Variants in SGK1 observed in about 807,000 individuals in gnomAD.
The protein encoded by SGK1 is serine/threonine-protein kinase Sgk1.
In SGK1, 26 loss-of-function variants were observed where a neutral mutation model predicts 64.2. The ratio of observed to expected loss-of-function variants is 0.40; its 90% CI spans 0.30 to 0.56. The LOEUF is 0.56. Among genes scored for constraint, SGK1 ranks in the 20% least tolerant of loss-of-function variants. The pLI, the probability that SGK1 is intolerant of heterozygous loss-of-function variation, is 0.38. For synonymous variants in SGK1, 265 were observed against 239.7 expected, an observed-to-expected ratio of 1.11 and a Z score of -0.98; for missense variants, 519 against 645.6, an observed-to-expected ratio of 0.80 and a Z score of 2.12.
At chr6:134,230,509 G>A (rs960359012) in intron 2 of SGK1, 6 of 152,144 alleles carry the variant, frequency 3.9e-5, no homozygotes, top group African/African-American at 1.4e-4. Context: ...CGAGAAAGGG[G>A]AAAGAGCCTC....
rs566737258 is a variant in SGK1, at chr6:134,238,371, C to T, written c.285+23562G>A. 3.1e-3 allele frequency among the ~76,000 whole-genome samples: 478 copies of T among 152,276 alleles called. 3 individuals are homozygous for T. Among genetic ancestry groups the T allele is most frequent in the African/African-American group, 0.011 (448 of 41,550 alleles). On this transcript the variant is annotated intron_variant, in intron 2 of 13. Transcript: ENST00000367858. ...AAAGTGCTTTTAAGAGGCCTATTAG[C>T]ATCAGGAATGAGGTAAGTCCCTTTT...
At chr6:134,285,020 T>G (rs868494058) in intron 1 of SGK1, among the ~76,000 whole-genome samples, 10 of 152,334 alleles carry the variant, frequency 6.6e-5, no homozygotes, top group Middle Eastern at 3.4e-3. Context: ...GTCTTTTTCG[T>G]GTAATGACTT....
chr6:134,283,806 T>G (rs1777132647), intron 1 of SGK1, among the ~76,000 whole-genome samples: 1 of 128,552 alleles, frequency 7.8e-6, no homozygotes, highest in East Asian at 2.3e-4. Context: ...GAGGCTGCAA[T>G]GAGCCATGAT....
chr6:134,215,129 TC>T (rs1257020349), intron 2 of SGK1: 14 of 319,610 alleles, frequency 4.4e-5, no homozygotes, highest in African/African-American at 1.1e-4. Context: ...TTTCTTTCTT[TC>T]TTTCTTTTTT....
intron 1 of SGK1, among the ~76,000 whole-genome samples, chr6:134,303,272 A>G (rs561858383): frequency 9.9e-4 from 151 of 151,958 alleles, no homozygotes; most frequent in African/African-American, 2.9e-3. Flanking sequence ...GGCGCCTGTA[A>G]TCCCAGCTAC....
chr6:134,190,829 C>T (rs1390455369), intron 3 of SGK1, among the ~76,000 whole-genome samples: 2 of 152,220 alleles, frequency 1.3e-5, no homozygotes, highest in East Asian at 3.9e-4. Context: ...AAGAGGCATA[C>T]GATGGTAACA....
At chr6:134,259,204 A>C (rs1236952869) in intron 2 of SGK1, among the ~76,000 whole-genome samples, 1 of 152,038 alleles carries the variant, frequency 6.6e-6, no homozygotes, top group East Asian at 1.9e-4. Flanking sequence ...TGTTGCATTG[A>C]TTTAAACCCA....
chr6:134,179,700 A>G (rs567747911), intron 3 of SGK1, among the ~76,000 whole-genome samples: 163 of 152,292 alleles, frequency 1.1e-3, no homozygotes, highest in African/African-American at 3.5e-3. Context: ...AGAGAACACT[A>G]TCTCTAATCA....
Position 134,209,808 on chromosome 6 carries a change from C to T in SGK1, c.286-2377G>A, listed in dbSNP as rs2114688664. The stretch of plus-strand genomic sequence containing the variant: ...TCTCCTGCTTCAGCCTCAATAGTAG[C>T]TGGGATTACAGACGTGCTCCACCAC... On this transcript the variant is annotated intron_variant, in intron 2 of 13. Coordinates refer to ENST00000367858, the MANE Select transcript of SGK1 (RefSeq NM_001143676.3). 2.6e-5 allele frequency among the ~76,000 whole-genome samples: 4 copies of T among 152,268 alleles called. 1 individual carries two copies. Among genetic ancestry groups the T allele is most frequent in the Admixed American group, 2.6e-4 (4 of 15,288 alleles).
chr6:134,195,128 G>T (rs186424232), intron 3 of SGK1, among the ~76,000 whole-genome samples: 1 of 152,162 alleles, frequency 6.6e-6, no homozygotes, highest in East Asian at 1.9e-4. Flanking sequence ...TTAGGACTAT[G>T]GAAATGAAAG....
At chr6:134,293,936 T>C (rs1221274804) in intron 1 of SGK1, among the ~76,000 whole-genome samples, 5 of 152,196 alleles carry the variant, frequency 3.3e-5, no homozygotes, top group Admixed American at 3.3e-4. Flanking sequence ...CAGAAGGTGC[T>C]AGGTGAATGA....
chr6:134,239,055 C>T (rs903184166), intron 2 of SGK1, among the ~76,000 whole-genome samples: 3 of 152,218 alleles, frequency 2.0e-5, no homozygotes, highest in African/African-American at 7.2e-5. Flanking sequence ...TCAGAACAGT[C>T]TAACAGCTGA....
At position 134,171,253 on chromosome 6, in the gene SGK1, T is replaced by G. The variant is rs1008714863; in HGVS notation, c.1168-75A>C. The G allele has an allele frequency of 3.7e-6, 5 of 1,337,946 alleles. No homozygotes were observed. In the Admixed American group the frequency reaches 9.2e-5, roughly 25 times the overall value. The allele number at this position is 1,337,946 out of a possible 1,614,324, so 82.9% of individuals were successfully genotyped here. A position where few individuals can be genotyped will look rare whatever the true frequency, so the allele number is the denominator to read the frequency against. On this transcript the variant is annotated intron_variant, in intron 11 of 13. Coordinates refer to ENST00000367858, the MANE Select transcript of SGK1 (RefSeq NM_001143676.3). ...CACACATTACCAGTAGAGAAAAAGA[T>G]ATAAACGGCAATAAATATTAGGCTC...
chr6:134,171,800 T>C (rs1775035819), intron 10 of SGK1, 68 bp from the exon 11 acceptor site: 3 of 1,047,100 alleles, frequency 2.9e-6, no homozygotes, highest in Admixed American at 4.2e-5. Flanking sequence ...ACCACACATT[T>C]AGTTTGAAAA....
chr6:134,313,516 G>A (rs1166697292), intron 1 of SGK1, among the ~76,000 whole-genome samples: 1 of 151,688 alleles, frequency 6.6e-6, no homozygotes, highest in Non-Finnish European at 1.5e-5. Context: ...AGGCATGAAA[G>A]ACTTGACTAG....
chr6:134,261,974 C>T lies in SGK1; in HGVS notation c.244G>A (p.Glu82Lys), dbSNP rs199762766. The change falls in exon 2 of 14, where the codon GAG (glutamate) becomes AAG (lysine). Residue 82 changes from glutamate (E) to lysine (K), a missense_variant. Transcript: ENST00000367858. ...HAFQRGVLPQ[E>K]NESCSWETQS... ...GTTTCCCATGAACATGACTCGTTCT[C>T]CTGAGGGAGAACCCCTCTTTGGAAA... is the stretch of plus-strand genomic sequence containing the variant. 1.5e-5 allele frequency: 24 copies of T among 1,613,726 alleles called. No individual in the cohort carries two copies. Among genetic ancestry groups the T allele is most frequent in the Middle Eastern group, 1.6e-4 (1 of 6,084 alleles).
intron 1 of SGK1, among the ~76,000 whole-genome samples, chr6:134,264,125 T>C (rs867890782): frequency 3.3e-5 from 5 of 150,698 alleles, no homozygotes; most frequent in African/African-American, 4.9e-5. Context: ...TTCTTTCTTT[T>C]TTTTTTTTTT....
Position 134,243,970 on chromosome 6 carries a change from T to C in SGK1, c.285+17963A>G, listed in dbSNP as rs141348855. Among the ~76,000 whole-genome samples the C allele has an allele frequency of 9.5e-3, 1,449 of 152,204 alleles. 23 individuals carry two copies. The highest frequency in any genetic ancestry group is 0.033 in the African/African-American group (1,379 of 41,544). On this transcript the variant is annotated intron_variant, in intron 2 of 13. Coordinates refer to ENST00000367858, the MANE Select transcript of SGK1 (RefSeq NM_001143676.3). The stretch of plus-strand genomic sequence containing the variant: ...TATTTATTTTAATAATATTCATTTA[T>C]TTATTTTATTTATTTTTAAAATTAT...
At chr6:134,174,860 A>C (rs1280126488) in intron 3 of SGK1, 93 of 1,611,788 alleles carry the variant, frequency 5.8e-5, no homozygotes, top group Non-Finnish European at 6.6e-5. Flanking sequence ...GGCTCGGCGT[A>C]TGCTGCGCCA....
Sources: allele counts gnomAD v4.1 joint callset (sites outside exome capture counted in the v4.1 genomes callset), GRCh38; gene constraint gnomAD v4.1.1; transcripts MANE v1.5; gene names NCBI Gene and HGNC (gene_info 2026-07-23, HGNC 2026-07-21).